The following GNG7 variants were observed in gnomAD, a reference collection of about 807,000 sequenced individuals.
GNG7 encodes the protein guanine nucleotide-binding protein G(I)/G(S)/G(O) subunit gamma-7.
A neutral mutation model predicts 4.0 loss-of-function variants in GNG7; 1 was observed. That is an observed-to-expected ratio of 0.25 (90% CI 0.09 to 1.18). The LOEUF (loss-of-function observed/expected upper bound fraction) is 1.18. Ranked by LOEUF, GNG7 falls within the 50% of genes most tolerant of loss-of-function variation. The pLI is 0.50. For missense variants in GNG7, 86 were observed against 91.9 expected (o/e 0.94, Z 0.26); for synonymous variants, 34 against 36.9 (o/e 0.92, Z 0.29).
At position 2,559,079 on chromosome 19, in the gene GNG7, C is replaced by T. The variant is rs532361909; in HGVS notation, c.-77-3891G>A. On this transcript the variant is annotated intron_variant, in intron 2 of 4. Coordinates refer to ENST00000382159, the MANE Select transcript of GNG7 (RefSeq NM_052847.3). ...CCCCCCAAAGTGCTGGGATTATAAG[C>T]GTGAGCCATCGCGCCCAGCCAGTTA... is the stretch of plus-strand genomic sequence containing the variant. Among the ~76,000 whole-genome samples the T allele has an allele frequency of 9.9e-5, 15 of 152,070 alleles. No homozygotes were observed. The East Asian group carries it at 2.7e-3, about 27-fold the overall frequency.
intron 1 of GNG7, among the ~76,000 whole-genome samples, chr19:2,657,557 T>C (rs753142083): frequency 3.3e-5 from 5 of 149,800 alleles, no homozygotes; most frequent in African/African-American, 9.9e-5. Flanking sequence ...TTTTCAAAAA[T>C]CTTTTGTTTC....
At position 2,683,737 on chromosome 19, in the gene GNG7, G is replaced by A. The variant is rs1983800625; in HGVS notation, c.-135+18909C>T. The A allele has an allele frequency of 2.6e-5, 4 of 152,544 alleles. No individual in the cohort carries two copies. The South Asian group carries it at 8.3e-4, about 32-fold the overall frequency. 9.4% of individuals were successfully genotyped at this position (152,544 alleles called of 1,614,324 possible). ...GGAGAAAAACAAGAGAGAGACCCTG[G>A]AGGAGGAGGGAGGGAAATTAACTGA... On this transcript the variant is annotated intron_variant, in intron 1 of 4. Coordinates refer to ENST00000382159, the MANE Select transcript of GNG7 (RefSeq NM_052847.3).
chr19:2,575,967 AGGCACATG>A lies in GNG7; in HGVS notation c.-77-20787_-77-20780del, dbSNP rs1385988146. 2.2e-5 allele frequency among the ~76,000 whole-genome samples: 3 copies of A among 136,448 alleles called. 1 individual carries two copies. Among genetic ancestry groups the A allele is most frequent in the African/African-American group, 3.4e-5 (1 of 29,014 alleles). 89.5% of individuals were successfully genotyped at this position (136,448 alleles called of 152,430 possible). Reference sequence around the variant, plus strand: ...CACAAAGGCAGACACATGCAGACACAGGCACATGCAGGCAGACACACACATGCTCACAC... The same window carrying A: ...CACAAAGGCAGACACATGCAGACACACAGGCAGACACACACATGCTCACAC... On this transcript the variant is annotated intron_variant, in intron 2 of 4. Coordinates refer to ENST00000382159, the MANE Select transcript of GNG7 (RefSeq NM_052847.3).
chr19:2,581,905 T>A (rs1599404021), intron 2 of GNG7, among the ~76,000 whole-genome samples: 1 of 152,096 alleles, frequency 6.6e-6, no homozygotes, highest in Admixed American at 6.6e-5. Context: ...TTGTGGAGGG[T>A]TTGGCATGCA....
At position 2,557,326 on chromosome 19, in the gene GNG7, CACACAG is replaced by C. The variant is rs1407830339; in HGVS notation, c.-77-2144_-77-2139del. On this transcript the variant is annotated intron_variant, in intron 2 of 4. Coordinates refer to ENST00000382159, the MANE Select transcript of GNG7 (RefSeq NM_052847.3). This position sits in a 1 kb window ranked among gnomAD's most constrained non-coding sequence, Gnocchi z 5.1. ...ACATACACGCACAGACACACATGTG[CACACAG>C]ACACACACATGTGCACACACACAGA... 1.1e-5 allele frequency among the ~76,000 whole-genome samples: 1 copy of C among 92,132 alleles called. No individual in the cohort carries two copies. The highest frequency in any genetic ancestry group is 2.6e-5 in the Non-Finnish European group (1 of 38,744). 60.4% of individuals were successfully genotyped at this position (92,132 alleles called of 152,430 possible).
At chr19:2,685,238 GA>G (rs1983843571) in intron 1 of GNG7, among the ~76,000 whole-genome samples, 1 of 152,128 alleles carries the variant, frequency 6.6e-6, no homozygotes, top group African/African-American at 2.4e-5. Flanking sequence ...GGGAAGATGA[GA>G]AAGTTCTGGA....
chr19:2,515,207 T>A (rs1599367966), intron 4 of GNG7, 60 bp from the exon 5 acceptor site: 1 of 1,604,792 alleles, frequency 6.2e-7, no homozygotes, highest in Non-Finnish European at 8.5e-7. Context: ...CACACCCGGG[T>A]TCACAGCAGC....
At chr19:2,687,192 G>A (rs1983893816) in intron 1 of GNG7, among the ~76,000 whole-genome samples, 1 of 152,050 alleles carries the variant, frequency 6.6e-6, no homozygotes, top group Non-Finnish European at 1.5e-5. Flanking sequence ...CGAGTAGCTG[G>A]GATTACAGGC....
intron 1 of GNG7, among the ~76,000 whole-genome samples, chr19:2,657,361 A>AAAAATATAT (rs1555701153): frequency 2.4e-4 from 4 of 16,328 alleles, no homozygotes; most frequent in African/African-American, 2.9e-4. Flanking sequence ...AAAAAAAAAA[A>AAAAATATAT]ATATATATAT....
chr19:2,595,718 G>A (rs1980997919), intron 2 of GNG7, among the ~76,000 whole-genome samples: 1 of 149,010 alleles, frequency 6.7e-6, no homozygotes, highest in Admixed American at 6.7e-5. Flanking sequence ...CTGGGCAACA[G>A]AGTGAGACTC....
rs3064559 is a variant in GNG7 at position 2,609,010 on chromosome 19, T to TTCTC, written c.-78+37210_-78+37213dup. Among the ~76,000 whole-genome samples the TTCTC allele has an allele frequency of 6.0e-5, 9 of 149,438 alleles. No individual in the cohort carries two copies. The highest frequency in any genetic ancestry group is 4.2e-4 in the South Asian group (2 of 4,742). ...ATCATGCCTACCTAGTTCTTGTACA[T>TTCTC]TCTCTCTCTCTCTCTCTCTCTCTTT... On this transcript the variant is annotated intron_variant, in intron 2 of 4. Coordinates refer to ENST00000382159, the MANE Select transcript of GNG7 (RefSeq NM_052847.3). The surrounding 1 kb of genome is among the most constrained non-coding windows in gnomAD (Gnocchi z 4.4).
rs1377980519 is a variant in GNG7 at position 2,520,588 on chromosome 19, C to CTGATGCCCGCTGGGCTCACCT, written c.80_81+19dup. 1 of 1,458,288 alleles carries CTGATGCCCGCTGGGCTCACCT rather than the reference C, an allele frequency of 6.9e-7. No individual in the cohort carries two copies. Among genetic ancestry groups the CTGATGCCCGCTGGGCTCACCT allele is most frequent in the Non-Finnish European group, 9.4e-7 (1 of 1,061,862 alleles). 90.3% of individuals were successfully genotyped at this position (1,458,288 alleles called of 1,614,324 possible). On this transcript the variant is annotated intron_variant, in intron 4 of 4. Coordinates refer to ENST00000382159, the MANE Select transcript of GNG7 (RefSeq NM_052847.3). ...CCCAAGGGTCTCTCCCCTCCTCTTC[C>CTGATGCCCGCTGGGCTCACCT]TGATGCCCGCTGGGCTCACCTTGAT...
intron 1 of GNG7, among the ~76,000 whole-genome samples, chr19:2,676,710 C>T (rs1264496621): frequency 6.6e-6 from 1 of 152,188 alleles, no homozygotes; most frequent in Non-Finnish European, 1.5e-5. Context: ...GGCATCGCGC[C>T]CAGCCTCTTT....
chr19:2,649,292 T>C (rs914701756), intron 1 of GNG7, among the ~76,000 whole-genome samples: 2 of 151,728 alleles, frequency 1.3e-5, no homozygotes, highest in African/African-American at 2.4e-5. Flanking sequence ...TTCAACTCAC[T>C]ACCCTGCCAG....
At chr19:2,628,694 C>A (rs975209633) in intron 2 of GNG7, among the ~76,000 whole-genome samples, 2 of 152,102 alleles carry the variant, frequency 1.3e-5, no homozygotes, top group Non-Finnish European at 2.9e-5. Flanking sequence ...CCTCCCCCAG[C>A]CCCTAGCACC....
intron 3 of GNG7, among the ~76,000 whole-genome samples, chr19:2,544,424 C>T (rs944818033): frequency 1.3e-4 from 20 of 152,114 alleles, no homozygotes; most frequent in Non-Finnish European, 2.6e-4. Flanking sequence ...CACAGAAGCC[C>T]CTGAGGACAG....
chr19:2,596,033 C>T (rs10411346), intron 2 of GNG7, among the ~76,000 whole-genome samples: 64,877 of 148,618 alleles, frequency 0.44, 13,732 homozygotes, highest in Middle Eastern at 0.52. Flanking sequence ...GCAACGCTTA[C>T]GAAAACCAAG....
In GNG7 at chr19:2,511,889, G is replaced by C; in HGVS notation, c.*3133C>G. On this transcript the variant is annotated 3_prime_UTR_variant, in exon 5 of 5. Coordinates refer to ENST00000382159, the MANE Select transcript of GNG7 (RefSeq NM_052847.3). The surrounding 1 kb of genome is among the most constrained non-coding windows in gnomAD (Gnocchi z 6.3). ...GGGTGAGGGTTCTGGCTCCTTCCTG[G>C]AGAGAGGAGGGCAGGGGAGGCGGAG... 2.0e-5 allele frequency: 20 copies of C among 986,370 alleles called. No individual in the cohort carries two copies. Among genetic ancestry groups the C allele is most frequent in the Non-Finnish European group, 2.4e-5 (20 of 830,344 alleles). The allele number at this position is 986,370 out of a possible 1,614,324, so 61.1% of individuals were successfully genotyped here.
intron 2 of GNG7, among the ~76,000 whole-genome samples, chr19:2,608,847 A>G (rs1289920770): frequency 6.6e-6 from 1 of 152,192 alleles, no homozygotes; most frequent in Non-Finnish European, 1.5e-5. Context: ...ACCACAGCCA[A>G]AATCAGTGTG....
Sources: gnomAD v4.1 joint callset for allele counts (sites outside exome capture counted in the v4.1 genomes callset) on GRCh38, gnomAD v4.1.1 for gene constraint, Gnocchi (gnomAD v3.1) non-coding constraint, MANE v1.5 for transcripts, NCBI Gene and HGNC (gene_info 2026-07-23, HGNC 2026-07-21) for gene names.